Variants in ADAMTS14 observed in about 807,000 individuals in gnomAD.
ADAMTS14 encodes the protein ADAM metallopeptidase with thrombospondin type 1 motif 14.
In ADAMTS14, 100 loss-of-function variants were observed where a neutral mutation model predicts 128.6. The observed-to-expected ratio is 0.78, with a 90% CI of 0.66 to 0.92. The LOEUF (loss-of-function observed/expected upper bound fraction) is 0.92, where lower values mean the gene tolerates loss of function less well. Among genes scored for constraint, ADAMTS14 ranks in the 40% least tolerant of loss-of-function variants. ADAMTS14 has a pLI of 0.00. For synonymous variants in ADAMTS14, 665 were observed against 653.8 expected (o/e 1.02, Z -0.26); for missense variants, 1,562 against 1,658.6 (o/e 0.94, Z 1.01).
At chr10:70,736,270 G>C (rs1841822704) in intron 9 of ADAMTS14, among the ~76,000 whole-genome samples, 1 of 47,080 alleles carries the variant, frequency 2.1e-5, no homozygotes, top group Admixed American at 1.5e-4. Flanking sequence ...GGAGTGCTGG[G>C]GTGGGGGGGG....
chr10:70,728,740 G>A (rs1042216689), intron 4 of ADAMTS14, among the ~76,000 whole-genome samples: 6 of 152,364 alleles, frequency 3.9e-5, no homozygotes, highest in Middle Eastern at 3.4e-3. Flanking sequence ...CCTTATTCAG[G>A]AGGCCTGGGG....
rs143393118 is a variant in ADAMTS14, at chr10:70,700,531, G to A, written c.523-1781G>A. Among the ~76,000 whole-genome samples, 23 of 152,300 alleles carry A rather than the reference G, an allele frequency of 1.5e-4. No individual in the cohort carries two copies. The East Asian group carries it at 2.9e-3, about 19-fold the overall frequency. ...GGACATATAGCCTGTCTGGGAGGAG[G>A]GAGGATGAAGCTGGTGTAGGAGGAG... On this transcript the variant is annotated intron_variant, in intron 2 of 21. Coordinates refer to ENST00000373207, the MANE Select transcript of ADAMTS14 (RefSeq NM_080722.4).
chr10:70,744,967 G>C (rs940768999), intron 14 of ADAMTS14, among the ~76,000 whole-genome samples: 1 of 152,072 alleles, frequency 6.6e-6, no homozygotes, highest in African/African-American at 2.4e-5. Flanking sequence ...AGAGGAAGAG[G>C]GTCAGGAAAG....
chr10:70,740,860 A>T lies in ADAMTS14; in HGVS notation c.1749-127A>T, dbSNP rs1841972774. 3 of 958,168 alleles carry T rather than the reference A, an allele frequency of 3.1e-6. No individual in the cohort carries two copies. In the Admixed American group the frequency reaches 7.1e-5, roughly 23 times the overall value. The allele number at this position is 958,168 out of a possible 1,614,324, so 59.4% of individuals were successfully genotyped here. On this transcript the variant is annotated intron_variant, in intron 11 of 21. Transcript: ENST00000373207. ...CACCCTGGGAGCCATTCTCTGGTTT[A>T]TGTCAGTGGAGGCCCTTGTCATGCT...
At chr10:70,676,828 A>T (rs1839661016) in intron 2 of ADAMTS14, among the ~76,000 whole-genome samples, 1 of 152,236 alleles carries the variant, frequency 6.6e-6, no homozygotes, top group Non-Finnish European at 1.5e-5. Flanking sequence ...GTATCCATGC[A>T]GGTAGAGAGA....
At position 70,758,058 on chromosome 10, in the gene ADAMTS14, A is replaced by G. The variant is rs754869457; in HGVS notation, c.3034A>G (p.Thr1012Ala). 2.5e-6 allele frequency: 4 copies of G among 1,613,522 alleles called. No homozygotes were observed. Among genetic ancestry groups the G allele is most frequent in the Non-Finnish European group, 3.4e-6 (4 of 1,179,780 alleles). Residue 1012 changes from threonine (T) to alanine (A), a missense_variant, in exon 20 of 22, where the codon ACT becomes GCT. Coordinates refer to ENST00000373207, the MANE Select transcript of ADAMTS14 (RefSeq NM_080722.4). The stretch of plus-strand genomic sequence containing the variant: ...GCATTGCGAGGGGGATAGGCCAGAC[A>G]CTGTCCAGGTCTGCAGCCTGCCCGC... Reference protein sequence around the residue: ...LGHCEGDRPDTVQVCSLPACG... With the variant: ...LGHCEGDRPDAVQVCSLPACG...
In ADAMTS14 at chr10:70,743,674, A is replaced by T; in HGVS notation, c.2051A>T (p.Glu684Val). 2 of 1,593,944 alleles carry T rather than the reference A, an allele frequency of 1.3e-6. No homozygotes were observed. Among genetic ancestry groups the T allele is most frequent in the Non-Finnish European group, 1.7e-6 (2 of 1,169,024 alleles). Residue 684 changes from glutamate to valine, a missense_variant, in exon 13 of 22, where the codon GAG becomes GTG. By Grantham distance (121) the Glu-to-Val change is moderately radical (BLOSUM62 -2). Transcript: ENST00000373207. ...CCATACAGCGTCTGTGCGCGTGGCG[A>T]GTGTGTGGTGGGTGCACCCCCAGCC... is the stretch of plus-strand genomic sequence containing the variant. ...RDPYSVCARG[E>V]CVPVGCDKEV...
chr10:70,733,845 C>T (rs751974455), intron 7 of ADAMTS14, 40 bp from the exon 8 acceptor site: 3 of 1,590,072 alleles, frequency 1.9e-6, no homozygotes, highest in East Asian at 2.3e-5. Flanking sequence ...GGGGCAGGCT[C>T]CTGGGATGTA....
chr10:70,738,815 G>A (rs1841906132), intron 10 of ADAMTS14, 27 bp from the exon 11 acceptor site: 3 of 1,613,366 alleles, frequency 1.9e-6, no homozygotes, highest in Non-Finnish European at 2.5e-6. Flanking sequence ...AGCCCAGGGT[G>A]ACCTCATGCC....
At chr10:70,681,599 T>C (rs1356388619) in intron 2 of ADAMTS14, among the ~76,000 whole-genome samples, 1 of 152,244 alleles carries the variant, frequency 6.6e-6, no homozygotes, top group East Asian at 1.9e-4. Flanking sequence ...TGTGGCTTTT[T>C]GGTCTCCTGT....
chr10:70,750,507 T>G (rs2688772), intron 16 of ADAMTS14, among the ~76,000 whole-genome samples: 128,032 of 152,222 alleles, frequency 0.84, 54,083 homozygotes, highest in East Asian at 1. Flanking sequence ...ACGAGACCAT[T>G]AGGAGTTCTG....
chr10:70,720,062 C>T (rs933497730), intron 4 of ADAMTS14, among the ~76,000 whole-genome samples: 3 of 152,218 alleles, frequency 2.0e-5, no homozygotes, highest in African/African-American at 4.8e-5. Context: ...CCCTGTGCAC[C>T]CTGGTGCCAC....
intron 2 of ADAMTS14, among the ~76,000 whole-genome samples, chr10:70,681,589 T>C (rs895347479): frequency 6.6e-6 from 1 of 152,240 alleles, no homozygotes; most frequent in African/African-American, 2.4e-5. Context: ...CAGACTTGTC[T>C]GTGGCTTTTT....
intron 3 of ADAMTS14, 125 bp from the exon 4 acceptor site, chr10:70,708,463 C>G: frequency 1.2e-6 from 1 of 810,668 alleles, no homozygotes; most frequent in Admixed American, 2.8e-5. Context: ...ATCCCTCATA[C>G]TACTTTACTT....
intron 15 of ADAMTS14, 112 bp downstream of exon 15, chr10:70,745,418 C>T (rs1842148020): frequency 1.8e-6 from 2 of 1,098,596 alleles, no homozygotes; most frequent in Admixed American, 1.9e-5. Context: ...ATTGTACTAA[C>T]TGGAGTAATG....
At chr10:70,681,720 T>C (rs1403915397) in intron 2 of ADAMTS14, among the ~76,000 whole-genome samples, 1 of 152,192 alleles carries the variant, frequency 6.6e-6, no homozygotes, top group African/African-American at 2.4e-5. Flanking sequence ...TCCACCCTGC[T>C]TTGGAGGTGT....
At chr10:70,745,164 C>G in intron 14 of ADAMTS14, 62 bp from the exon 15 acceptor site, 1 of 1,523,780 alleles carries the variant, frequency 6.6e-7, no homozygotes, top group South Asian at 1.2e-5. Context: ...GAGTGGGGGA[C>G]GCTGGGCAGT....
intron 4 of ADAMTS14, among the ~76,000 whole-genome samples, chr10:70,726,158 G>A (rs1388760809): frequency 6.6e-6 from 1 of 152,248 alleles, no homozygotes; most frequent in African/African-American, 2.4e-5. Flanking sequence ...TCCTGCCAAT[G>A]TTGGACAGAT....
intron 9 of ADAMTS14, 104 bp from the exon 10 acceptor site, chr10:70,736,576 C>A: frequency 9.8e-7 from 1 of 1,016,460 alleles, no homozygotes; most frequent in East Asian, 2.9e-5. Context: ...CTGCAGTGCC[C>A]TGGGTGCCTG....
Sources: allele counts gnomAD v4.1 joint callset (sites outside exome capture counted in the v4.1 genomes callset), GRCh38; gene constraint gnomAD v4.1.1; transcripts MANE v1.5; gene names NCBI Gene and HGNC (gene_info 2026-07-23, HGNC 2026-07-21).